The following CA6 variants were observed in gnomAD, a reference collection of about 807,000 sequenced individuals.
CA6 encodes carbonic anhydrase 6, also known as carbonate dehydratase VI.
In CA6, 28 loss-of-function variants were observed where a neutral mutation model predicts 35.9. The ratio of observed to expected loss-of-function variants is 0.78; its 90% CI spans 0.58 to 1.07. The LOEUF (loss-of-function observed/expected upper bound fraction) is 1.07, where lower values mean the gene tolerates loss of function less well. Ranked by LOEUF, CA6 falls within the 50% of genes least tolerant of loss-of-function variation. The probability of loss-of-function intolerance (pLI) is 0.00; values close to 1 mark genes in which losing one functional copy is unlikely to be tolerated. For synonymous variants in CA6, 148 were observed against 152.6 expected (o/e 0.97, Z 0.22); for missense variants, 377 against 382.0 (o/e 0.99, Z 0.11).
intron 7 of CA6, 137 bp from the exon 8 acceptor site, chr1:8,974,485 C>T (rs1185433271): frequency 4.7e-6 from 7 of 1,473,880 alleles, no homozygotes; most frequent in Admixed American, 2.3e-5. Context: ...ATGCACCGGG[C>T]ACGTGGAGAG....
intron 2 of CA6, among the ~76,000 whole-genome samples, chr1:8,955,151 G>C (rs960234514): frequency 6.6e-6 from 1 of 152,096 alleles, no homozygotes; most frequent in Non-Finnish European, 1.5e-5. Context: ...AAGGCAGGTG[G>C]ATTGCTTGAG....
chr1:8,959,416 A>G (rs1223872721), intron 4 of CA6, among the ~76,000 whole-genome samples: 3 of 151,730 alleles, frequency 2.0e-5, no homozygotes, highest in African/African-American at 7.3e-5. Context: ...CCAGGTTCAA[A>G]TGATTCTCCT....
Position 8,957,171 on chromosome 1 carries a change from A to G in CA6, c.294A>G (p.Thr98=), listed in dbSNP as rs367935323. The change falls in exon 3 of 8, where the codon ACA becomes ACG. Residue 98 remains threonine, a synonymous_variant. Coordinates refer to ENST00000377443, the MANE Select transcript of CA6 (RefSeq NM_001215.4). ...GCCTGCCCTCCACCATGCGCATGACAGTGGCTGACGGCACTGTATACATAG... is the reference window on the plus strand; with the variant it reads ...GCCTGCCCTCCACCATGCGCATGACGGTGGCTGACGGCACTGTATACATAG... ...QISLPSTMRM[T]VADGTVYIAQ... 1.3e-5 allele frequency: 21 copies of G among 1,613,580 alleles called. No individual in the cohort carries two copies. Among genetic ancestry groups the G allele is most frequent in the Middle Eastern group, 3.3e-4 (2 of 6,058 alleles).
At chr1:8,962,910 A>G (rs1320880442) in intron 5 of CA6, among the ~76,000 whole-genome samples, 1 of 152,168 alleles carries the variant, frequency 6.6e-6, no homozygotes, top group Non-Finnish European at 1.5e-5. Context: ...TTCTGACTGG[A>G]GTTGCACTAA....
At chr1:8,971,989 A>C (rs1640121812) in intron 7 of CA6, among the ~76,000 whole-genome samples, 1 of 152,140 alleles carries the variant, frequency 6.6e-6, no homozygotes, top group Non-Finnish European at 1.5e-5. Flanking sequence ...TGATACCTTT[A>C]TATTTTCCAA....
intron 4 of CA6, among the ~76,000 whole-genome samples, chr1:8,961,996 T>C (rs1639853271): frequency 6.6e-6 from 1 of 152,046 alleles, no homozygotes; most frequent in African/African-American, 2.4e-5. Flanking sequence ...TCCCAGCACT[T>C]TGGGAGGCCG....
chr1:8,946,052 T>A (rs1639355676), intron 1 of CA6, 87 bp downstream of exon 1: 2 of 880,740 alleles, frequency 2.3e-6, no homozygotes, highest in Admixed American at 2.3e-5. Context: ...CTTTTTTTTT[T>A]TTTTAGACAA....
rs188699033 is a variant in CA6, at chr1:8,965,865, T to C, written c.572-1794T>C. On this transcript the variant is annotated intron_variant, in intron 5 of 7. Transcript: ENST00000377443. ...TTGTGCCACTGCACTCCAGTCTGGGTGACAGAGTGAGACTCTGCTTCAAAA... is the reference window on the plus strand; with the variant it reads ...TTGTGCCACTGCACTCCAGTCTGGGCGACAGAGTGAGACTCTGCTTCAAAA... Among the ~76,000 whole-genome samples the C allele has an allele frequency of 4.7e-5, 7 of 147,610 alleles. No individual in the cohort carries two copies. The East Asian group carries it at 1.4e-3, about 30-fold the overall frequency.
At chr1:8,967,450 G>C (rs1328956262) in intron 5 of CA6, among the ~76,000 whole-genome samples, 2 of 152,092 alleles carry the variant, frequency 1.3e-5, no homozygotes, top group African/African-American at 4.8e-5. Flanking sequence ...ACTCAGCCAG[G>C]AGCAGGTGTC....
chr1:8,954,500 T>G (rs1272168189), intron 2 of CA6, among the ~76,000 whole-genome samples: 1 of 152,022 alleles, frequency 6.6e-6, no homozygotes, highest in Non-Finnish European at 1.5e-5. Flanking sequence ...TGCTTTCACT[T>G]TATTCTGTGG....
chr1:8,974,509 CAA>C (rs1370320147), intron 7 of CA6, 111 bp from the exon 8 acceptor site: 3 of 1,445,648 alleles, frequency 2.1e-6, no homozygotes, highest in Non-Finnish European at 2.8e-6. Context: ...TCTAAGGAAT[CAA>C]AAGACTTCCC....
At chr1:8,959,951 G>A (rs1364774338) in intron 4 of CA6, among the ~76,000 whole-genome samples, 30 of 71,682 alleles carry the variant, frequency 4.2e-4, no homozygotes, top group African/African-American at 8.2e-4. Context: ...AAAAAAAAAA[G>A]CTGGGCGCGA....
At chr1:8,970,205 C>CAAAAAAA in intron 6 of CA6, among the ~76,000 whole-genome samples, 1 of 88,034 alleles carries the variant, frequency 1.1e-5, no homozygotes, top group Non-Finnish European at 2.3e-5. Context: ...ACTCTGGTCT[C>CAAAAAAA]AAAAAAAAAA....
At chr1:8,949,910 G>A (rs1242254771) in intron 2 of CA6, among the ~76,000 whole-genome samples, 1 of 152,098 alleles carries the variant, frequency 6.6e-6, no homozygotes, top group African/African-American at 2.4e-5. Context: ...AAGAAAGAAG[G>A]TGAAGGTCAG....
intron 2 of CA6, chr1:8,951,436 A>C: frequency 1.3e-6 from 1 of 762,564 alleles, no homozygotes; most frequent in African/African-American, 1.7e-5. Context: ...GGCAGGCGGA[A>C]CTCTTCCTCC....
In CA6 at chr1:8,949,306, C is replaced by T; in HGVS notation, c.123C>T (p.Ala41=). ...DEAHWPQHYP[A]CGGQRQSPIN... ...CGCACTGGCCACAGCACTACCCCGC[C>T]TGTGGGGGCCAGAGACAGTCGCCTA... Residue 41 remains alanine, a synonymous_variant, in exon 2 of 8, where the codon GCC becomes GCT. Transcript: ENST00000377443. The T allele has an allele frequency of 6.2e-7, 1 of 1,613,202 alleles. No individual in the cohort carries two copies. The highest frequency in any genetic ancestry group is 8.5e-7 in the Non-Finnish European group (1 of 1,179,548).
At position 8,970,795 on chromosome 1, in the gene CA6, C is replaced by T. The variant is rs747810405; in HGVS notation, c.730-72C>T. 773 of 987,622 alleles carry T rather than the reference C, an allele frequency of 7.8e-4. 1 individual carries two copies. Among genetic ancestry groups the T allele is most frequent in the Non-Finnish European group, 9.4e-4 (575 of 610,404 alleles). 61.2% of individuals were successfully genotyped at this position (987,622 alleles called of 1,614,324 possible). A position where few individuals can be genotyped will look rare whatever the true frequency, so the allele number is the denominator to read the frequency against. ...GGATTACAGGCGTGAGCCACTGCGC[C>T]GGGCCAACTGTTATTTCTTTTAAAT... On this transcript the variant is annotated intron_variant, in intron 6 of 7. Transcript: ENST00000377443.
rs1326944344 is a variant in CA6 at position 8,963,034 on chromosome 1, C to T, written c.571+378C>T. 6.6e-6 allele frequency among the ~76,000 whole-genome samples: 1 copy of T among 152,142 alleles called. No individual in the cohort carries two copies. Among genetic ancestry groups the T allele is most frequent in the Non-Finnish European group, 1.5e-5 (1 of 68,026 alleles). On this transcript the variant is annotated intron_variant, in intron 5 of 7. Transcript: ENST00000377443. This position sits in a 1 kb window ranked among gnomAD's most constrained non-coding sequence, Gnocchi z 4.1. The stretch of plus-strand genomic sequence containing the variant: ...AGATGAATGTCAAGAGGGAAGCCCT[C>T]GTCATACCACTTGGACATCCAGACA...
At chr1:8,968,742 G>T (rs1047546072) in intron 6 of CA6, among the ~76,000 whole-genome samples, 3 of 152,196 alleles carry the variant, frequency 2.0e-5, no homozygotes, top group African/African-American at 7.2e-5. Context: ...CAGGCCAGTT[G>T]TGGTGTCTCA....
Sources: gnomAD v4.1 joint callset for allele counts (sites outside exome capture counted in the v4.1 genomes callset) on GRCh38, gnomAD v4.1.1 for gene constraint, Gnocchi (gnomAD v3.1) non-coding constraint, MANE v1.5 for transcripts, NCBI Gene and HGNC (gene_info 2026-07-23, HGNC 2026-07-21) for gene names.